Variants in VWA8 observed in about 807,000 individuals in gnomAD.
VWA8 encodes von Willebrand factor A domain containing 8, also known as von Willebrand factor A domain-containing protein 8.
A neutral mutation model predicts 241.5 loss-of-function variants in VWA8; 221 were observed. That is an observed-to-expected ratio of 0.91 (90% CI 0.82 to 1.02). The LOEUF (loss-of-function observed/expected upper bound fraction) is 1.02, where lower values mean the gene tolerates loss of function less well. VWA8 is among the 50% of genes least tolerant of loss of function. The pLI is 0.00. For missense variants in VWA8, 2,322 were observed against 2,328.7 expected (o/e 1.00, Z 0.06); for synonymous variants, 852 against 827.1 (o/e 1.03, Z -0.52).
chr13:41,668,587 C>A (rs551022925), intron 37 of VWA8, among the ~76,000 whole-genome samples: 58 of 152,140 alleles, frequency 3.8e-4, no homozygotes, highest in African/African-American at 1.3e-3. Context: ...ATTACTGTTG[C>A]CCCTGGAATG....
chr13:41,668,171 G>T (rs2044998957), intron 37 of VWA8, among the ~76,000 whole-genome samples: 1 of 152,168 alleles, frequency 6.6e-6, no homozygotes, highest in Non-Finnish European at 1.5e-5. Flanking sequence ...GAATCAGGAG[G>T]CATGGGGATC....
At chr13:41,654,862 A>G (rs930462157) in intron 37 of VWA8, among the ~76,000 whole-genome samples, 5 of 152,228 alleles carry the variant, frequency 3.3e-5, no homozygotes, top group Admixed American at 3.3e-4. Context: ...AAAGTCAAGG[A>G]AAGATGAGGA....
chr13:41,615,993 T>C (rs1177085665), intron 37 of VWA8, among the ~76,000 whole-genome samples: 1 of 152,244 alleles, frequency 6.6e-6, no homozygotes, highest in Non-Finnish European at 1.5e-5. Flanking sequence ...GAAAATGTAC[T>C]GATGGAACAT....
At chr13:41,890,421 A>T (rs1420483066) in intron 5 of VWA8, among the ~76,000 whole-genome samples, 2 of 152,202 alleles carry the variant, frequency 1.3e-5, no homozygotes, top group Non-Finnish European at 2.9e-5. Flanking sequence ...CCACAGAGAG[A>T]TCCAGCATGG....
chr13:41,661,220 C>T (rs2044948038), intron 37 of VWA8, among the ~76,000 whole-genome samples: 1 of 152,190 alleles, frequency 6.6e-6, no homozygotes, highest in South Asian at 2.1e-4. Flanking sequence ...TTTCTTACTG[C>T]TTGCCACGAA....
At chr13:41,928,437 A>T (rs2138136782) in intron 2 of VWA8, among the ~76,000 whole-genome samples, 1 of 152,312 alleles carries the variant, frequency 6.6e-6, no homozygotes, top group African/African-American at 2.4e-5. Context: ...GAAAACAGTA[A>T]CAGGAAGAAT....
intron 2 of VWA8, among the ~76,000 whole-genome samples, chr13:41,947,931 C>CAAAAAAAAAAAAA (rs1218456579): frequency 4.9e-5 from 1 of 20,570 alleles, no homozygotes; most frequent in African/African-American, 1.2e-4. Context: ...GACCCTGTCT[C>CAAAAAAAAAAAAA]AAAAAAAAAA....
At chr13:41,947,088 TC>T (rs566569816) in intron 2 of VWA8, among the ~76,000 whole-genome samples, 1 of 152,110 alleles carries the variant, frequency 6.6e-6, no homozygotes, top group Non-Finnish European at 1.5e-5. Flanking sequence ...ATCCACCAAC[TC>T]CCACACTGTT....
At chr13:41,803,305 C>T (rs1453234556) in intron 17 of VWA8, among the ~76,000 whole-genome samples, 3 of 152,206 alleles carry the variant, frequency 2.0e-5, no homozygotes, top group East Asian at 1.9e-4. Flanking sequence ...TCCAGGAAAA[C>T]ATGACCTTAC....
intron 20 of VWA8, among the ~76,000 whole-genome samples, chr13:41,764,477 A>C (rs2045765105): frequency 6.6e-6 from 1 of 152,202 alleles, no homozygotes; most frequent in Admixed American, 6.5e-5. Flanking sequence ...CTTATAGTCT[A>C]GTAGGGAACA....
chr13:41,886,821 T>A lies in VWA8; in HGVS notation c.826A>T (p.Lys276Ter). The A allele has an allele frequency of 6.3e-7, 1 of 1,590,432 alleles. No homozygotes were observed. Among genetic ancestry groups the A allele is most frequent in the Non-Finnish European group, 8.5e-7 (1 of 1,171,428 alleles). ...TTGGCTCCAATTGAATATAACAACT[T>A]AAGTTGGTCCTAAAGTAATACAGAA... ...IYYLPFKDQL[K>*]LLYSIGANVS... Residue 276 changes from lysine to a stop codon, truncating the protein, a stop_gained, in exon 7 of 45, where the codon AAG becomes TAG. Transcript: ENST00000379310. LOFTEE classifies it high-confidence loss of function.
chr13:41,616,979 T>C (rs897775295), intron 37 of VWA8, among the ~76,000 whole-genome samples: 15 of 152,252 alleles, frequency 9.9e-5, no homozygotes, highest in African/African-American at 3.1e-4. Context: ...TAAATCTATA[T>C]GAGTCTGGGC....
rs1593808951 is a variant in VWA8 at position 41,841,186 on chromosome 13, G to A, written c.1426-7655C>T. On this transcript the variant is annotated intron_variant, in intron 12 of 44. Transcript: ENST00000379310. ...TAAAAGAAATTCCCATAAGGAAAGA[G>A]CTGGATTGGATTAATGAACCCATGA... 2.0e-5 allele frequency among the ~76,000 whole-genome samples: 3 copies of A among 152,298 alleles called. No individual in the cohort carries two copies. In the South Asian group the frequency reaches 6.2e-4, roughly 32 times the overall value.
chr13:41,824,698 G>A (rs963195528), intron 14 of VWA8, among the ~76,000 whole-genome samples: 1 of 151,984 alleles, frequency 6.6e-6, no homozygotes, highest in Non-Finnish European at 1.5e-5. Context: ...TAGTGTGGTG[G>A]TGTGCACCTG....
intron 2 of VWA8, among the ~76,000 whole-genome samples, chr13:41,920,057 C>T (rs532357478): frequency 3.3e-5 from 5 of 152,300 alleles, no homozygotes; most frequent in Middle Eastern, 6.8e-3. Context: ...TGCTCCCTGT[C>T]CCCTGGGCCG....
intron 37 of VWA8, among the ~76,000 whole-genome samples, chr13:41,665,800 A>C (rs2044982033): frequency 6.6e-6 from 1 of 152,104 alleles, no homozygotes; most frequent in Non-Finnish European, 1.5e-5. Flanking sequence ...ATGGTAACAC[A>C]ATTATCCTAC....
chr13:41,816,264 C>G (rs9525543), intron 16 of VWA8, among the ~76,000 whole-genome samples: 1 of 152,068 alleles, frequency 6.6e-6, no homozygotes, highest in Non-Finnish European at 1.5e-5. Flanking sequence ...CTGAGACTTA[C>G]AGAGTTAAAC....
chr13:41,649,906 TGTTG>T (rs911700333), intron 37 of VWA8, among the ~76,000 whole-genome samples: 1 of 152,168 alleles, frequency 6.6e-6, no homozygotes, highest in African/African-American at 2.4e-5. Flanking sequence ...CTGCAACACG[TGTTG>T]TGCCTTTACA....
chr13:41,745,265 T>A (rs950460934), intron 21 of VWA8, among the ~76,000 whole-genome samples: 7 of 152,116 alleles, frequency 4.6e-5, no homozygotes, highest in African/African-American at 1.7e-4. Flanking sequence ...CATTAGGTAT[T>A]TCTCCTAATG....
Sources: allele counts gnomAD v4.1 joint callset (sites outside exome capture counted in the v4.1 genomes callset), GRCh38; gene constraint gnomAD v4.1.1; transcripts MANE v1.5; gene names NCBI Gene and HGNC (gene_info 2026-07-23, HGNC 2026-07-21).